B3GALNT2: variants seen among roughly 807,000 people sequenced by gnomAD.
The protein encoded by B3GALNT2 is beta-1,3-N-acetylgalactosaminyltransferase 2.
B3GALNT2 carries 53 observed loss-of-function variants against 61.1 expected under a neutral mutation model. That is an observed-to-expected ratio of 0.87 (90% CI 0.70 to 1.09). The LOEUF (loss-of-function observed/expected upper bound fraction) is 1.09. Among genes scored for constraint, B3GALNT2 ranks in the 50% least tolerant of loss-of-function variants. The pLI, the probability that B3GALNT2 is intolerant of heterozygous loss-of-function variation, is 0.00. For synonymous variants in B3GALNT2, 223 were observed against 237.4 expected, an observed-to-expected ratio of 0.94 and a Z score of 0.56; for missense variants, 544 against 623.0, an observed-to-expected ratio of 0.87 and a Z score of 1.35.
chr1:235,476,962 C>G (rs1033365183), intron 5 of B3GALNT2, among the ~76,000 whole-genome samples: 1 of 151,010 alleles, frequency 6.6e-6, no homozygotes, highest in African/African-American at 2.4e-5. Flanking sequence ...ATGGTTGAGG[C>G]TGCGGTGAGC....
intron 2 of B3GALNT2, 21 bp downstream of exon 2, chr1:235,494,660 G>A: frequency 6.2e-7 from 1 of 1,603,316 alleles, no homozygotes; most frequent in South Asian, 1.1e-5. Context: ...ACCAGGCAAG[G>A]CAACAACTCA....
chr1:235,501,717 C>T (rs1685588763), intron 1 of B3GALNT2, among the ~76,000 whole-genome samples: 1 of 151,876 alleles, frequency 6.6e-6, no homozygotes, highest in Non-Finnish European at 1.5e-5. Context: ...AAGAAACTGC[C>T]ATTACTTAAT....
At chr1:235,471,467 CAAGA>C (rs1010235671) in intron 5 of B3GALNT2, among the ~76,000 whole-genome samples, 2 of 152,140 alleles carry the variant, frequency 1.3e-5, no homozygotes, top group Admixed American at 1.3e-4. Flanking sequence ...ATTACTGGGA[CAAGA>C]AAGAGATATT....
chr1:235,504,178 G>C lies in B3GALNT2; in HGVS notation c.75C>G (p.Ser25=), dbSNP rs1244053981. 7.6e-7 allele frequency: 1 copy of C among 1,307,578 alleles called. No homozygotes were observed. Among genetic ancestry groups the C allele is most frequent in the African/African-American group, 1.5e-5 (1 of 64,900 alleles). 81.0% of individuals were successfully genotyped at this position (1,307,578 alleles called of 1,614,324 possible). A position where few individuals can be genotyped will look rare whatever the true frequency, so the allele number is the denominator to read the frequency against. Residue 25 remains serine (S), a synonymous_variant, in exon 1 of 12, where the codon TCC becomes TCG. Transcript: ENST00000366600. ...CCCCGGAGGCGCAGGCGGGCGGCGG[G>C]GAGCGCAGCCGCAGCCAGAGGTGCA... ...AALHLWLRLR[S]PPPACASGAG... is the part of the protein sequence containing the mutation.
chr1:235,494,905 TA>T, intron 1 of B3GALNT2, 77 bp from the exon 2 acceptor site: 1 of 1,312,504 alleles, frequency 7.6e-7, no homozygotes, highest in Non-Finnish European at 1.0e-6. Flanking sequence ...ATAAGTTTAT[TA>T]CAAAATAAGC....
Position 235,454,180 on chromosome 1 carries a change from G to A in B3GALNT2, c.1287C>T (p.Asn429=). 6.2e-7 allele frequency: 1 copy of A among 1,611,822 alleles called. No individual in the cohort carries two copies. Among genetic ancestry groups the A allele is most frequent in the East Asian group, 2.2e-5 (1 of 44,656 alleles). ...SKDIVKWLAS[N]SGRLKTYQGE... is the part of the protein sequence containing the mutation. The stretch of plus-strand genomic sequence containing the variant: ...CCTGATAGGTCTTTAACCTCCCCGA[G>A]TTGCTTGCCAGCCACTTGACGATGT... The change falls in exon 10 of 12, where the codon AAC becomes AAT. Residue 429 remains asparagine, a synonymous_variant. Transcript: ENST00000366600.
chr1:235,455,736 C>T, intron 8 of B3GALNT2, 52 bp from the exon 9 acceptor site: 1 of 1,542,400 alleles, frequency 6.5e-7, no homozygotes, highest in Non-Finnish European at 8.9e-7. Context: ...AAACAAACAC[C>T]AATGCAGTGG....
intron 8 of B3GALNT2, among the ~76,000 whole-genome samples, chr1:235,457,513 A>T (rs1683222023): frequency 6.6e-6 from 1 of 152,174 alleles, no homozygotes; most frequent in Non-Finnish European, 1.5e-5. Context: ...TATAATATGT[A>T]TGTTACTATT....
At chr1:235,502,156 G>C (rs1345512717) in intron 1 of B3GALNT2, among the ~76,000 whole-genome samples, 3 of 152,140 alleles carry the variant, frequency 2.0e-5, no homozygotes, top group African/African-American at 7.2e-5. Flanking sequence ...GGGATTACAG[G>C]CATGCACCAC....
chr1:235,443,993 TATAA>T (rs1290846842), downstream of B3GALNT2, among the ~76,000 whole-genome samples: 2 of 152,362 alleles, frequency 1.3e-5, no homozygotes, highest in Middle Eastern at 3.4e-3. Flanking sequence ...AATGCTAAAA[TATAA>T]ATAATTTAGA....
chr1:235,471,730 A>C (rs1391413773), intron 5 of B3GALNT2, among the ~76,000 whole-genome samples: 1 of 152,182 alleles, frequency 6.6e-6, no homozygotes, highest in Non-Finnish European at 1.5e-5. Context: ...TGGTGCGATC[A>C]TGGCTCACTG....
chr1:235,492,829 G>C (rs1685133445), intron 2 of B3GALNT2, among the ~76,000 whole-genome samples: 1 of 152,194 alleles, frequency 6.6e-6, no homozygotes, highest in African/African-American at 2.4e-5. Context: ...ACATTAGTGA[G>C]AGAGGACGTA....
rs1173110284 is a variant in B3GALNT2, at chr1:235,504,314, A to G, written c.-62T>C. ...CCGGCGGAGAGGGAGGGGACCTGCA[A>G]GTGCGGAGACTGAGGGGCGGCGGCT... On this transcript the variant is annotated 5_prime_UTR_variant, in exon 1 of 12. Coordinates refer to ENST00000366600, the MANE Select transcript of B3GALNT2 (RefSeq NM_152490.5). 4 of 1,456,390 alleles carry G rather than the reference A, an allele frequency of 2.7e-6. No homozygotes were observed. In the East Asian group the frequency reaches 1.2e-4, roughly 44 times the overall value. 90.2% of individuals were successfully genotyped at this position (1,456,390 alleles called of 1,614,324 possible).
chr1:235,476,754 G>A (rs183593402), intron 5 of B3GALNT2, among the ~76,000 whole-genome samples: 237 of 151,886 alleles, frequency 1.6e-3, no homozygotes, highest in Admixed American at 2.9e-3. Context: ...AGAGGCTGGG[G>A]CAGGAGAATC....
chr1:235,483,293 G>C (rs1684641844), intron 4 of B3GALNT2, among the ~76,000 whole-genome samples: 1 of 152,128 alleles, frequency 6.6e-6, no homozygotes, highest in African/African-American at 2.4e-5. Flanking sequence ...TAACATACAT[G>C]TAACTGGAAT....
downstream of B3GALNT2, among the ~76,000 whole-genome samples, chr1:235,446,613 AT>A (rs1376110118): frequency 6.6e-6 from 1 of 152,158 alleles, no homozygotes; most frequent in African/African-American, 2.4e-5. Context: ...TAAGACAGTC[AT>A]GTTACTATAT....
chr1:235,479,979 C>G, intron 5 of B3GALNT2, 75 bp downstream of exon 5: 1 of 1,569,430 alleles, frequency 6.4e-7, no homozygotes, highest in Non-Finnish European at 8.6e-7. Context: ...ATATCAAGTG[C>G]CTGCCCCTGA....
At chr1:235,473,371 G>A (rs757953245) in intron 5 of B3GALNT2, among the ~76,000 whole-genome samples, 2 of 152,218 alleles carry the variant, frequency 1.3e-5, no homozygotes, top group Admixed American at 6.5e-5. Flanking sequence ...GAGTTTGGAA[G>A]GATTGATAGC....
chr1:235,495,121 C>T (rs1685257445), intron 1 of B3GALNT2, among the ~76,000 whole-genome samples: 1 of 152,024 alleles, frequency 6.6e-6, no homozygotes. Context: ...CAAAAGGCAA[C>T]GTAGCATAAA....
Sources: gnomAD v4.1 joint callset for allele counts (sites outside exome capture counted in the v4.1 genomes callset) on GRCh38, gnomAD v4.1.1 for gene constraint, MANE v1.5 for transcripts, NCBI Gene and HGNC (gene_info 2026-07-23, HGNC 2026-07-21) for gene names.